The following AIMP2 variants were observed in gnomAD, a reference collection of about 807,000 sequenced individuals.
The protein encoded by AIMP2 is aminoacyl tRNA synthetase complex interacting multifunctional protein 2.
A neutral mutation model predicts 23.4 loss-of-function variants in AIMP2; 20 were observed. That is an observed-to-expected ratio of 0.85 (90% CI 0.60 to 1.24). The LOEUF (loss-of-function observed/expected upper bound fraction) is 1.24, where lower values mean the gene tolerates loss of function less well. AIMP2 is among the 50% of genes most tolerant of loss of function. The probability of loss-of-function intolerance (pLI) is 0.00; values close to 1 mark genes in which losing one functional copy is unlikely to be tolerated. For synonymous variants in AIMP2, 210 were observed against 170.4 expected, an observed-to-expected ratio of 1.23 and a Z score of -1.81; for missense variants, 515 against 414.5, an observed-to-expected ratio of 1.24 and a Z score of -2.10.
intron 3 of AIMP2, 133 bp from the exon 4 acceptor site, chr7:6,023,170 G>A: frequency 9.5e-7 from 1 of 1,051,548 alleles, no homozygotes; most frequent in East Asian, 2.5e-5. Flanking sequence ...CTGAAAATGT[G>A]ATGTTCTTCT....
intron 1 of AIMP2, among the ~76,000 whole-genome samples, chr7:6,011,725 G>A (rs1276776104): frequency 6.6e-6 from 1 of 152,166 alleles, no homozygotes; most frequent in Non-Finnish European, 1.5e-5. Flanking sequence ...AGAGAGTGCC[G>A]TGGAAACAGG....
chr7:6,018,817 G>A (rs1457010652), intron 3 of AIMP2, among the ~76,000 whole-genome samples: 1 of 151,722 alleles, frequency 6.6e-6, no homozygotes, highest in East Asian at 2.0e-4. Flanking sequence ...CTGGGCGACA[G>A]AACGAGACTC....
At chr7:6,011,565 C>T (rs1786692077) in intron 1 of AIMP2, among the ~76,000 whole-genome samples, 1 of 152,184 alleles carries the variant, frequency 6.6e-6, no homozygotes. Context: ...GGTCTGTTTT[C>T]CCACTGCTTG....
At chr7:6,021,495 C>T (rs578003443) in intron 3 of AIMP2, among the ~76,000 whole-genome samples, 3 of 152,130 alleles carry the variant, frequency 2.0e-5, no homozygotes, top group South Asian at 2.1e-4. Context: ...TCCAGATGTG[C>T]GTGACTTCAT....
chr7:6,009,331 G>A lies in AIMP2; in HGVS notation c.-33G>A, dbSNP rs556454943. On this transcript the variant is annotated 5_prime_UTR_variant, in exon 1 of 4. Transcript: ENST00000223029. The stretch of plus-strand genomic sequence containing the variant: ...GACGGTTTCTGAGCGTTGGCCTTTG[G>A]CACGCGCTACCCCCTTTTGCTTTGG... The A allele has an allele frequency of 7.4e-6, 12 of 1,611,658 alleles. No individual in the cohort carries two copies. In the South Asian group the frequency reaches 1.3e-4, roughly 18 times the overall value.
chr7:6,020,076 G>A (rs1432551635), intron 3 of AIMP2, among the ~76,000 whole-genome samples: 1 of 151,540 alleles, frequency 6.6e-6, no homozygotes, highest in Non-Finnish European at 1.5e-5. Flanking sequence ...TGCACCAGGA[G>A]GTGCAAAAAC....
intron 1 of AIMP2, among the ~76,000 whole-genome samples, chr7:6,009,747 T>C (rs1325225938): frequency 6.6e-6 from 1 of 151,224 alleles, no homozygotes; most frequent in South Asian, 2.1e-4. Context: ...GGTCAGGAGT[T>C]CGAGACTAGC....
At chr7:6,018,561 C>T (rs778813536) in intron 3 of AIMP2, among the ~76,000 whole-genome samples, 20 of 151,926 alleles carry the variant, frequency 1.3e-4, no homozygotes, top group Non-Finnish European at 2.8e-4. Flanking sequence ...CAAGGCCACG[C>T]GCAGGGGCTC....
chr7:6,014,657 T>C (rs1364537843), intron 1 of AIMP2, among the ~76,000 whole-genome samples: 1 of 152,172 alleles, frequency 6.6e-6, no homozygotes, highest in Non-Finnish European at 1.5e-5. Context: ...TTTTCCTTTT[T>C]GTTTCTTTAC....
At chr7:6,021,606 C>G (rs138068484) in intron 3 of AIMP2, among the ~76,000 whole-genome samples, 3 of 152,200 alleles carry the variant, frequency 2.0e-5, no homozygotes, top group African/African-American at 7.2e-5. Flanking sequence ...AATTCAAGGG[C>G]TGACAGACAC....
intron 2 of AIMP2, chr7:6,016,994 G>C (rs374621939): frequency 2.6e-5 from 4 of 154,094 alleles, no homozygotes; most frequent in African/African-American, 9.6e-5. Context: ...CACTGGCACT[G>C]AAGAGGGTTA....
chr7:6,015,463 G>A (rs1187227289), intron 2 of AIMP2, 111 bp downstream of exon 2: 22 of 1,181,914 alleles, frequency 1.9e-5, no homozygotes, highest in East Asian at 1.5e-4. Flanking sequence ...GGTGGCTCAC[G>A]CCTGTAATTC....
At position 6,015,243 on chromosome 7, in the gene AIMP2, A is replaced by G. The variant is rs775575419; in HGVS notation, c.233A>G (p.Lys78Arg). ...AAAGCTGCAGTTGATGGCCTCTCCA[A>G]GATGATTCAAACACCAGATGCAGAC... ...ELKAAVDGLSKMIQTPDADLD... is the reference protein window; with the variant it reads ...ELKAAVDGLSRMIQTPDADLD... The change falls in exon 2 of 4, where the codon AAG becomes AGG. Residue 78 changes from lysine to arginine, a missense_variant. Transcript: ENST00000223029. 8 of 1,614,090 alleles carry G rather than the reference A, an allele frequency of 5.0e-6. No individual in the cohort carries two copies. Among genetic ancestry groups the G allele is most frequent in the Non-Finnish European group, 6.8e-6 (8 of 1,180,052 alleles).
At chr7:6,010,738 C>T (rs1437021896) in intron 1 of AIMP2, among the ~76,000 whole-genome samples, 5 of 151,834 alleles carry the variant, frequency 3.3e-5, no homozygotes, top group South Asian at 2.1e-4. Context: ...TGTGAGCCAC[C>T]GTGCCCGGCC....
chr7:6,023,303 T>C lies in AIMP2; in HGVS notation c.575T>C (p.Val192Ala). The change falls in exon 4 of 4, where the codon GTG becomes GCG. Residue 192 changes from valine (V) to alanine (A), a missense_variant and splice_region_variant. Physicochemically the swap from Val to Ala is moderately conservative, Grantham distance 64. Coordinates refer to ENST00000223029, the MANE Select transcript of AIMP2 (RefSeq NM_006303.4). ...QLGFTLIWKN[V>A]PKTQMKFSIQ... The stretch of plus-strand genomic sequence containing the variant: ...TACCTGGCGTGTTTTTTCTTTTCAG[T>C]GCCGAAGACGCAGATGAAATTCAGC... 5 of 1,589,012 alleles carry C rather than the reference T, an allele frequency of 3.1e-6. No individual in the cohort carries two copies. Among genetic ancestry groups the C allele is most frequent in the Non-Finnish European group, 3.4e-6 (4 of 1,169,964 alleles).
At chr7:6,019,076 GAACA>G (rs1015711151) in intron 3 of AIMP2, among the ~76,000 whole-genome samples, 10 of 151,546 alleles carry the variant, frequency 6.6e-5, no homozygotes, top group Non-Finnish European at 1.3e-4. Context: ...ATTAATTGTG[GAACA>G]AACAGACTGT....
At chr7:6,019,204 G>A (rs1478550925) in intron 3 of AIMP2, among the ~76,000 whole-genome samples, 1 of 151,982 alleles carries the variant, frequency 6.6e-6, no homozygotes, top group African/African-American at 2.4e-5. Context: ...CATCTCTCCA[G>A]GAAATTGCAT....
At chr7:6,013,935 A>T (rs1187912409) in intron 1 of AIMP2, among the ~76,000 whole-genome samples, 2 of 150,026 alleles carry the variant, frequency 1.3e-5, no homozygotes, top group South Asian at 2.2e-4. Context: ...TGGGCAATAG[A>T]GTGAGACCCT....
intron 1 of AIMP2, among the ~76,000 whole-genome samples, chr7:6,013,525 T>C (rs915663464): frequency 1.3e-5 from 2 of 152,220 alleles, no homozygotes; most frequent in Admixed American, 6.5e-5. Context: ...CCTCCCAAAG[T>C]GCTAGGATTA....
Sources: allele counts gnomAD v4.1 joint callset (sites outside exome capture counted in the v4.1 genomes callset), GRCh38; gene constraint gnomAD v4.1.1; transcripts MANE v1.5; gene names NCBI Gene and HGNC (gene_info 2026-07-23, HGNC 2026-07-21).